Variants in ANKUB1 observed in about 807,000 individuals in gnomAD.
ANKUB1 encodes the protein protein ANKUB1.
A neutral mutation model predicts 49.3 loss-of-function variants in ANKUB1; 42 were observed. That is an observed-to-expected ratio of 0.85 (90% CI 0.67 to 1.10). The LOEUF is 1.10. Among genes scored for constraint, ANKUB1 ranks in the 50% least tolerant of loss-of-function variants. The pLI is 0.00. For missense variants in ANKUB1, 613 were observed against 642.0 expected (o/e 0.95, Z 0.49); for synonymous variants, 222 against 231.0 (o/e 0.96, Z 0.35).
At chr3:149,761,963 C>T (rs1716802006) in intron 5 of ANKUB1, among the ~76,000 whole-genome samples, 1 of 152,124 alleles carries the variant, frequency 6.6e-6, no homozygotes, top group Admixed American at 6.6e-5. Context: ...TCTACCCCTA[C>T]GAACACACAT....
At chr3:149,783,470 A>G (rs1037110635) in intron 2 of ANKUB1, 8 of 152,250 alleles carry the variant, frequency 5.3e-5, no homozygotes, top group Admixed American at 3.9e-4. Context: ...AAAAACAAAT[A>G]CGTTCTATCT....
Position 149,790,821 on chromosome 3 carries a change from A to T in ANKUB1, c.194T>A (p.Val65Asp). 3 of 1,552,022 alleles carry T rather than the reference A, an allele frequency of 1.9e-6. No homozygotes were observed. The highest frequency in any genetic ancestry group is 2.6e-6 in the Non-Finnish European group (3 of 1,147,022). ...GAGAGTTGAACAGAAAGATATTCCA[A>T]CATCAGCAAGACTCCAACTGTCCTT... Reference protein sequence around the residue: ...ALKDSWSLADVGISFCSTLKC... With the variant: ...ALKDSWSLADDGISFCSTLKC... Residue 65 changes from valine (V) to aspartate (D), a missense_variant, in exon 2 of 6, where the codon GTT becomes GAT. Val to Asp is a radical substitution (Grantham distance 152). Coordinates refer to ENST00000446160, the MANE Select transcript of ANKUB1 (RefSeq NM_001144960.3).
intron 5 of ANKUB1, among the ~76,000 whole-genome samples, chr3:149,762,339 C>T (rs1045348187): frequency 6.6e-6 from 1 of 152,170 alleles, no homozygotes; most frequent in African/African-American, 2.4e-5. Flanking sequence ...TCTAATTTAA[C>T]ATATCTTTAT....
At chr3:149,785,793 G>T (rs1718072787) in intron 2 of ANKUB1, among the ~76,000 whole-genome samples, 1 of 151,772 alleles carries the variant, frequency 6.6e-6, no homozygotes, top group Admixed American at 6.5e-5. Flanking sequence ...AGATGGCTGG[G>T]TCAAATGGTA....
At chr3:149,764,380 A>C (rs1473956000) in intron 5 of ANKUB1, among the ~76,000 whole-genome samples, 1 of 152,184 alleles carries the variant, frequency 6.6e-6, no homozygotes, top group Non-Finnish European at 1.5e-5. Context: ...TTCAGTGGAA[A>C]GGGGGCAGAA....
chr3:149,778,144 G>C (rs1717687906), intron 3 of ANKUB1, among the ~76,000 whole-genome samples: 1 of 152,152 alleles, frequency 6.6e-6, no homozygotes, highest in Non-Finnish European at 1.5e-5. Flanking sequence ...TTTAGGTAAA[G>C]GTATGAAGCA....
At chr3:149,777,535 C>G (rs1717658929) in intron 3 of ANKUB1, among the ~76,000 whole-genome samples, 1 of 152,166 alleles carries the variant, frequency 6.6e-6, no homozygotes, top group Non-Finnish European at 1.5e-5. Context: ...GTGCATGGCT[C>G]TAGCTGCAGC....
rs1220911616 is a variant in ANKUB1 at position 149,770,692 on chromosome 3, T to G, written c.452-18A>C. On this transcript the variant is annotated intron_variant, in intron 3 of 5. Transcript: ENST00000446160. The stretch of plus-strand genomic sequence containing the variant: ...TGTTGTGCCTGTGGATCAAGAGAGG[T>G]GGTTTATGGTTCCAGTCCAGCAGTG... 7 of 1,467,960 alleles carry G rather than the reference T, an allele frequency of 4.8e-6. No homozygotes were observed. Among genetic ancestry groups the G allele is most frequent in the Non-Finnish European group, 5.6e-6 (6 of 1,079,396 alleles). The allele number at this position is 1,467,960 out of a possible 1,614,324, so 90.9% of individuals were successfully genotyped here.
At chr3:149,777,650 G>A (rs1185983401) in intron 3 of ANKUB1, among the ~76,000 whole-genome samples, 1 of 152,194 alleles carries the variant, frequency 6.6e-6, no homozygotes, top group Non-Finnish European at 1.5e-5. Flanking sequence ...CTGCAGAACA[G>A]TCTCCTGCTT....
chr3:149,784,675 T>C (rs547496127), intron 2 of ANKUB1, among the ~76,000 whole-genome samples: 1 of 152,326 alleles, frequency 6.6e-6, no homozygotes, highest in East Asian at 1.9e-4. Context: ...TTAAATTATC[T>C]AGACTTTGTT....
At chr3:149,783,263 A>G (rs1717947988) in intron 2 of ANKUB1, 1 of 152,216 alleles carries the variant, frequency 6.6e-6, no homozygotes. Flanking sequence ...CTCTGTCTAT[A>G]TGATACTCCT....
At chr3:149,786,572 A>G (rs1336054299) in intron 2 of ANKUB1, among the ~76,000 whole-genome samples, 1 of 149,902 alleles carries the variant, frequency 6.7e-6, no homozygotes, top group Non-Finnish European at 1.5e-5. Context: ...CTGTGCAGAA[A>G]CTCTTTGGTT....
At chr3:149,763,272 T>G in intron 5 of ANKUB1, among the ~76,000 whole-genome samples, 1 of 152,194 alleles carries the variant, frequency 6.6e-6, no homozygotes, top group East Asian at 1.9e-4. Flanking sequence ...TGAAGTCCTC[T>G]CCTGTTCTGA....
At chr3:149,776,870 A>G (rs1308290002) in intron 3 of ANKUB1, among the ~76,000 whole-genome samples, 1 of 152,024 alleles carries the variant, frequency 6.6e-6, no homozygotes, top group Non-Finnish European at 1.5e-5. Flanking sequence ...CCAGCTACTC[A>G]GGAGGCTGAG....
chr3:149,769,771 T>C (rs1319365635), intron 4 of ANKUB1, among the ~76,000 whole-genome samples: 1 of 152,242 alleles, frequency 6.6e-6, no homozygotes. Flanking sequence ...TTTACACCAT[T>C]GTAAGTTGAA....
At position 149,761,594 on chromosome 3, in the gene ANKUB1, A is replaced by T; in HGVS notation, c.1525T>A (p.Trp509Arg). The T allele has an allele frequency of 6.4e-7, 1 of 1,551,134 alleles. No individual in the cohort carries two copies. The highest frequency in any genetic ancestry group is 8.7e-7 in the Non-Finnish European group (1 of 1,146,668). The change falls in exon 6 of 6, where the codon TGG becomes AGG. Residue 509 changes from tryptophan to arginine, a missense_variant. Transcript: ENST00000446160. ...CTTGCTATTTCTAACTGCTGAAGCC[A>T]TCGTTTCTCTTTAAAGGCACTGCAA... ...AVASAFKEKR[W>R]LQQLEIARVL...
chr3:149,779,899 A>G, intron 3 of ANKUB1: 1 of 285,280 alleles, frequency 3.5e-6, no homozygotes, highest in Non-Finnish European at 6.8e-6. Flanking sequence ...TACTGAACTT[A>G]CAGAGGTTTC....
rs1248886776 is a variant in ANKUB1 at position 149,766,870 on chromosome 3, G to GCAA, written c.1505+286_1505+287insTTG. On this transcript the variant is annotated intron_variant, in intron 5 of 5. Coordinates refer to ENST00000446160, the MANE Select transcript of ANKUB1 (RefSeq NM_001144960.3). ...AGCAGCAGCAGCAGCAGCAGCAGCA[G>GCAA]CAGCAGCAGCAAGGGACCTTGAGAA... is the stretch of plus-strand genomic sequence containing the variant. The GCAA allele has an allele frequency of 4.4e-6, 5 of 1,125,226 alleles. 1 individual carries two copies. In the African/African-American group the frequency reaches 9.5e-5, roughly 21 times the overall value. 69.7% of individuals were successfully genotyped at this position (1,125,226 alleles called of 1,614,324 possible).
At chr3:149,769,334 C>G (rs1717221294) in intron 4 of ANKUB1, among the ~76,000 whole-genome samples, 1 of 152,186 alleles carries the variant, frequency 6.6e-6, no homozygotes, top group Admixed American at 6.6e-5. Context: ...ACCCGTTACA[C>G]TTTATGTATA....
Sources: allele counts gnomAD v4.1 joint callset (sites outside exome capture counted in the v4.1 genomes callset), GRCh38; gene constraint gnomAD v4.1.1; transcripts MANE v1.5; gene names NCBI Gene and HGNC (gene_info 2026-07-23, HGNC 2026-07-21).